SLCO3A1: variants seen among roughly 807,000 people sequenced by gnomAD.
SLCO3A1 encodes solute carrier organic anion transporter family member 3A1.
In SLCO3A1, 27 loss-of-function variants were observed where a neutral mutation model predicts 63.1. That is an observed-to-expected ratio of 0.43 (90% CI 0.32 to 0.59). SLCO3A1 has a LOEUF of 0.59. Ranked by LOEUF, SLCO3A1 falls within the 20% of genes least tolerant of loss-of-function variation. The pLI is 0.09. For missense variants in SLCO3A1, 773 were observed against 945.8 expected, an observed-to-expected ratio of 0.82 and a Z score of 2.40; for synonymous variants, 473 against 409.9, an observed-to-expected ratio of 1.15 and a Z score of -1.86.
Position 92,165,666 on chromosome 15 carries a change from C to G in SLCO3A1, c.*2531C>G. The G allele has an allele frequency of 1.0e-6, 1 of 985,308 alleles. No individual in the cohort carries two copies. Among genetic ancestry groups the G allele is most frequent in the Non-Finnish European group, 1.2e-6 (1 of 829,884 alleles). 61.0% of individuals were successfully genotyped at this position (985,308 alleles called of 1,614,324 possible). ...TTTAAAGACCGCTGTTGCAGGATGGCTCTGAATTCTGTTGTGTCGTCTTTT... is the reference window on the plus strand; with the variant it reads ...TTTAAAGACCGCTGTTGCAGGATGGGTCTGAATTCTGTTGTGTCGTCTTTT... On this transcript the variant is annotated 3_prime_UTR_variant, in exon 10 of 10. Transcript: ENST00000318445.
chr15:92,144,110 G>C (rs2151585364), intron 7 of SLCO3A1, among the ~76,000 whole-genome samples: 1 of 152,252 alleles, frequency 6.6e-6, no homozygotes, highest in East Asian at 1.9e-4. Context: ...GACCTTCTGG[G>C]AGAAATGGCC....
At chr15:92,003,134 C>T (rs763140551) in intron 2 of SLCO3A1, among the ~76,000 whole-genome samples, 2 of 152,208 alleles carry the variant, frequency 1.3e-5, no homozygotes, top group African/African-American at 2.4e-5. Flanking sequence ...CCAAGTCCCC[C>T]AGCTCTGCTC....
intron 2 of SLCO3A1, among the ~76,000 whole-genome samples, chr15:92,025,562 C>T (rs1017166918): frequency 7.9e-5 from 12 of 152,334 alleles, no homozygotes; most frequent in African/African-American, 2.9e-4. Context: ...GGGCCAGGCA[C>T]TTTCCATTCT....
intron 2 of SLCO3A1, among the ~76,000 whole-genome samples, chr15:91,980,304 G>T (rs1416850821): frequency 6.6e-6 from 1 of 151,966 alleles, no homozygotes; most frequent in Non-Finnish European, 1.5e-5. Context: ...ACTGTGCTGG[G>T]TGTAGAGGTA....
chr15:91,909,130 A>C (rs528578268), intron 1 of SLCO3A1, among the ~76,000 whole-genome samples: 1 of 152,308 alleles, frequency 6.6e-6, no homozygotes, highest in South Asian at 2.1e-4. Context: ...GCCTGGAATG[A>C]CTTTTCTGTT....
rs1567174661 is a variant in SLCO3A1 at position 91,894,580 on chromosome 15, G to A, written c.181-21413G>A. The stretch of plus-strand genomic sequence containing the variant: ...AATGGAGGAGGGTCCCCAGCACTGT[G>A]TTGCCATGGAGTGGACAGTGGGGCT... On this transcript the variant is annotated intron_variant, in intron 1 of 9. Coordinates refer to ENST00000318445, the MANE Select transcript of SLCO3A1 (RefSeq NM_013272.4). The surrounding 1 kb of genome is among the most constrained non-coding windows in gnomAD (Gnocchi z 4.8). Among the ~76,000 whole-genome samples, 1 of 152,204 alleles carries A rather than the reference G, an allele frequency of 6.6e-6. No homozygotes were observed. Among genetic ancestry groups the A allele is most frequent in the African/African-American group, 2.4e-5 (1 of 41,448 alleles).
chr15:92,046,618 A>C (rs959909106), intron 2 of SLCO3A1, among the ~76,000 whole-genome samples: 8 of 152,120 alleles, frequency 5.3e-5, no homozygotes, highest in African/African-American at 1.9e-4. Context: ...AGTGCAGTAC[A>C]GGCTGCCTTG....
chr15:92,032,328 C>T (rs1434211680), intron 2 of SLCO3A1, among the ~76,000 whole-genome samples: 2 of 151,978 alleles, frequency 1.3e-5, no homozygotes, highest in Non-Finnish European at 2.9e-5. Flanking sequence ...AGGGATGCCT[C>T]CTTGAGGATG....
chr15:92,075,852 C>G lies in SLCO3A1; in HGVS notation c.647-19029C>G, dbSNP rs186288274. Among the ~76,000 whole-genome samples the G allele has an allele frequency of 2.8e-3, 430 of 152,332 alleles. 3 individuals are homozygous for G. Among genetic ancestry groups the G allele is most frequent in the African/African-American group, 0.01 (423 of 41,580 alleles). On this transcript the variant is annotated intron_variant, in intron 2 of 9. Transcript: ENST00000318445. The stretch of plus-strand genomic sequence containing the variant: ...GTCTCAGCATCATGCATGGTTCCCT[C>G]TCTCATATAGTGAGTGAGTGTTTTT...
chr15:92,008,642 C>T (rs8040010), intron 2 of SLCO3A1, among the ~76,000 whole-genome samples: 2 of 151,980 alleles, frequency 1.3e-5, no homozygotes, highest in African/African-American at 2.4e-5. Context: ...GTTTAAAATT[C>T]TGTGTTCAAC....
chr15:92,148,528 A>G (rs2048260754), intron 8 of SLCO3A1, among the ~76,000 whole-genome samples: 1 of 151,970 alleles, frequency 6.6e-6, no homozygotes, highest in East Asian at 2.0e-4. Flanking sequence ...TTTGAAAAAT[A>G]AATTTTAAAA....
At chr15:91,858,849 T>A (rs1385718942) in intron 1 of SLCO3A1, among the ~76,000 whole-genome samples, 4 of 152,228 alleles carry the variant, frequency 2.6e-5, no homozygotes, top group Non-Finnish European at 5.9e-5. Flanking sequence ...GGGACTGTAT[T>A]CTCTTAGCAG....
At chr15:92,004,093 C>G (rs1567061758) in intron 2 of SLCO3A1, among the ~76,000 whole-genome samples, 2 of 152,214 alleles carry the variant, frequency 1.3e-5, no homozygotes, top group Non-Finnish European at 2.9e-5. Flanking sequence ...CCCACCCAGA[C>G]CTTCTGGGAG....
At chr15:91,888,256 A>G (rs749084374) in intron 1 of SLCO3A1, among the ~76,000 whole-genome samples, 48 of 152,264 alleles carry the variant, frequency 3.2e-4, no homozygotes, top group Non-Finnish European at 5.4e-4. Flanking sequence ...TGGGGTTGGC[A>G]GTGTCATCTG....
At chr15:91,964,743 GTTT>G (rs538771710) in intron 2 of SLCO3A1, among the ~76,000 whole-genome samples, 4 of 136,022 alleles carry the variant, frequency 2.9e-5, no homozygotes, top group African/African-American at 9.0e-5. Context: ...AAATTAGATA[GTTT>G]TTTTTTTTTT....
In SLCO3A1 at chr15:92,105,122, C is replaced by T. The variant is rs188952617; in HGVS notation, c.1009+580C>T. 8.2e-4 allele frequency among the ~76,000 whole-genome samples: 125 copies of T among 152,094 alleles called. 1 individual carries two copies. Among genetic ancestry groups the T allele is most frequent in the African/African-American group, 2.6e-3 (107 of 41,504 alleles). On this transcript the variant is annotated intron_variant, in intron 4 of 9. Transcript: ENST00000318445. ...TATCTGCTAAAATACAAAAATTAGCCGGGCTTGGTGGCATGTGCCTGTAAT... is the reference window on the plus strand; with the variant it reads ...TATCTGCTAAAATACAAAAATTAGCTGGGCTTGGTGGCATGTGCCTGTAAT...
intron 4 of SLCO3A1, among the ~76,000 whole-genome samples, chr15:92,116,175 T>C (rs559234827): frequency 9.2e-5 from 14 of 152,292 alleles, no homozygotes; most frequent in Admixed American, 2.6e-4. Flanking sequence ...CTGTGAGCAT[T>C]GTGGGAGCAG....
At chr15:92,134,627 C>A (rs1230054767) in intron 7 of SLCO3A1, among the ~76,000 whole-genome samples, 2 of 152,120 alleles carry the variant, frequency 1.3e-5, no homozygotes, top group East Asian at 3.8e-4. Context: ...ATATAGCCAT[C>A]CATTCGTAGA....
chr15:92,161,062 C>T (rs970521310), intron 9 of SLCO3A1, among the ~76,000 whole-genome samples: 4 of 152,216 alleles, frequency 2.6e-5, no homozygotes, highest in Admixed American at 6.5e-5. Context: ...CTAGGACTAG[C>T]TCTGCAAGGA....
Sources: allele counts gnomAD v4.1 joint callset (sites outside exome capture counted in the v4.1 genomes callset), GRCh38; gene constraint gnomAD v4.1.1; non-coding constraint Gnocchi (gnomAD v3.1); transcripts MANE v1.5; gene names NCBI Gene and HGNC (gene_info 2026-07-23, HGNC 2026-07-21).